Variants in PCSK5 observed in about 807,000 individuals in gnomAD.
The protein encoded by PCSK5 is prohormone convertase 5.
PCSK5 carries 129 observed loss-of-function variants against 233.2 expected under a neutral mutation model. The ratio of observed to expected loss-of-function variants is 0.55; its 90% CI spans 0.48 to 0.64. The LOEUF is 0.64. PCSK5 is among the 30% of genes least tolerant of loss of function. The pLI, the probability that PCSK5 is intolerant of heterozygous loss-of-function variation, is 0.00. For missense variants in PCSK5, 2,076 were observed against 2,430.1 expected (o/e 0.85, Z 3.06); for synonymous variants, 825 against 879.2 (o/e 0.94, Z 1.09).
intron 20 of PCSK5, chr9:76,209,432 T>C: frequency 2.1e-6 from 1 of 484,748 alleles, no homozygotes; most frequent in Non-Finnish European, 4.1e-6. Flanking sequence ...TGTGTTATGA[T>C]GTAAACTTCA....
intron 20 of PCSK5, among the ~76,000 whole-genome samples, chr9:76,197,189 T>G (rs1290162807): frequency 1.3e-5 from 2 of 152,184 alleles, no homozygotes; most frequent in Non-Finnish European, 2.9e-5. Flanking sequence ...CAAAGAACAG[T>G]GATTCAAAAT....
intron 2 of PCSK5, among the ~76,000 whole-genome samples, chr9:75,933,939 A>G (rs369842478): frequency 6.6e-6 from 1 of 152,332 alleles, no homozygotes; most frequent in East Asian, 1.9e-4. Flanking sequence ...TTGAAAAACC[A>G]AGTACTAGTG....
At chr9:76,192,383 G>A (rs1824434789) in intron 20 of PCSK5, among the ~76,000 whole-genome samples, 1 of 152,134 alleles carries the variant, frequency 6.6e-6, no homozygotes, top group Non-Finnish European at 1.5e-5. Flanking sequence ...ACTTAAGGAT[G>A]TGTTATTTAT....
At chr9:76,351,438 T>C (rs1471924682) in intron 36 of PCSK5, among the ~76,000 whole-genome samples, 2 of 29,498 alleles carry the variant, frequency 6.8e-5, no homozygotes, top group African/African-American at 1.0e-4. Context: ...CCCTGCAATG[T>C]GAAAGAAAGG....
At chr9:76,044,001 T>C (rs1445638351) in intron 5 of PCSK5, among the ~76,000 whole-genome samples, 7 of 152,056 alleles carry the variant, frequency 4.6e-5, no homozygotes, top group Non-Finnish European at 1.0e-4. Context: ...TTAGGGACAG[T>C]TTTTTTTAAA....
At chr9:75,958,630 T>C (rs1351197606) in intron 2 of PCSK5, among the ~76,000 whole-genome samples, 2 of 152,190 alleles carry the variant, frequency 1.3e-5, no homozygotes, top group African/African-American at 2.4e-5. Flanking sequence ...CAAAGATTTT[T>C]CTTTTCCCTT....
intron 32 of PCSK5, among the ~76,000 whole-genome samples, chr9:76,327,207 G>C (rs1829389223): frequency 6.6e-6 from 1 of 151,482 alleles, no homozygotes; most frequent in Admixed American, 6.6e-5. Flanking sequence ...CCTGGGCTCA[G>C]GAGATCCTTC....
At chr9:76,332,399 G>A (rs751232209) in intron 33 of PCSK5, 34 bp from the exon 34 acceptor site, 13 of 1,568,990 alleles carry the variant, frequency 8.3e-6, no homozygotes, top group Admixed American at 5.1e-5. Flanking sequence ...TGTCATGCTC[G>A]ATGTCCAAAT....
In PCSK5 at chr9:76,302,191, G is replaced by C. The variant is rs11144823; in HGVS notation, c.3578G>C (p.Arg1193Pro). 1,572 of 1,356,018 alleles carry C rather than the reference G, an allele frequency of 1.2e-3. 20 individuals are homozygous for C. The African/African-American group carries it at 0.02, about 17-fold the overall frequency. The allele number at this position is 1,356,018 out of a possible 1,614,324, so 84.0% of individuals were successfully genotyped here. A position where few individuals can be genotyped will look rare whatever the true frequency, so the allele number is the denominator to read the frequency against. ...SVVKSLLQER[R>P]RWKVQIKRDI... is the part of the protein sequence containing the mutation. ...GTGAAGAGCCTGCTGCAGGAGCGAC[G>C]AAGGTGGAAAGTTCAAATCAAAAGA... is the stretch of plus-strand genomic sequence containing the variant. Residue 1193 changes from arginine (R) to proline (P), a missense_variant, in exon 28 of 38, where the codon CGA becomes CCA. Arg to Pro is a moderately radical substitution (Grantham distance 103, BLOSUM62 -2). Around this residue, in one of 6 missense-constraint regions of PCSK5, gnomAD observed 1,510 missense variants for 1,538.1 expected, o/e 0.98. Transcript: ENST00000674117.
chr9:76,062,249 T>TA (rs11459491), intron 5 of PCSK5, among the ~76,000 whole-genome samples: 4,893 of 148,222 alleles, frequency 0.033, 199 homozygotes, highest in African/African-American at 0.094. Flanking sequence ...GCCCGTCTCC[T>TA]AAAAAAAAAA....
chr9:76,186,048 C>G (rs570512331), intron 17 of PCSK5, among the ~76,000 whole-genome samples: 1 of 151,938 alleles, frequency 6.6e-6, no homozygotes, highest in Non-Finnish European at 1.5e-5. Flanking sequence ...ATGCCAGTAA[C>G]CACATTAAGA....
intron 24 of PCSK5, among the ~76,000 whole-genome samples, chr9:76,243,124 C>A (rs1234299331): frequency 1.3e-5 from 2 of 152,194 alleles, no homozygotes; most frequent in Admixed American, 6.5e-5. Flanking sequence ...CAGACACTGA[C>A]CCTCTGGGGA....
At chr9:76,127,519 T>C (rs1822559782) in intron 9 of PCSK5, among the ~76,000 whole-genome samples, 1 of 152,238 alleles carries the variant, frequency 6.6e-6, no homozygotes, top group Non-Finnish European at 1.5e-5. Context: ...AAACCAGATC[T>C]TTTTGACAAA....
intron 23 of PCSK5, 94 bp from the exon 24 acceptor site, chr9:76,240,522 T>C: frequency 1.1e-6 from 1 of 885,178 alleles, no homozygotes; most frequent in African/African-American, 1.7e-5. Context: ...TGATTTACTT[T>C]AAAATAAGCT....
chr9:76,180,104 T>C (rs184186833), intron 15 of PCSK5, among the ~76,000 whole-genome samples: 5,999 of 144,890 alleles, frequency 0.041, 214 homozygotes, highest in African/African-American at 0.09. Context: ...TATATATATA[T>C]ACACACACAC....
chr9:76,133,758 A>G (rs1255896717), intron 9 of PCSK5, among the ~76,000 whole-genome samples: 1 of 152,044 alleles, frequency 6.6e-6, no homozygotes, highest in African/African-American at 2.4e-5. Flanking sequence ...TCGTAATCTG[A>G]TGATGATGAT....
Position 76,359,121 on chromosome 9 carries a change from C to T in PCSK5, c.*199C>T. Reference sequence around the variant, plus strand: ...AGTGGCTAAACTCAATTAACAGTTCCTGTTCAACCGTAATTGAAGAGCAAG... The same window carrying T: ...AGTGGCTAAACTCAATTAACAGTTCTTGTTCAACCGTAATTGAAGAGCAAG... On this transcript the variant is annotated 3_prime_UTR_variant, in exon 38 of 38. Transcript: ENST00000674117. 1.8e-6 allele frequency: 1 copy of T among 564,456 alleles called. No homozygotes were observed. The highest frequency in any genetic ancestry group is 3.2e-6 in the Non-Finnish European group (1 of 317,362). The allele number at this position is 564,456 out of a possible 1,614,324, so 35.0% of individuals were successfully genotyped here. A position where few individuals can be genotyped will look rare whatever the true frequency, so the allele number is the denominator to read the frequency against.
chr9:76,097,846 T>G (rs919761584), intron 8 of PCSK5, among the ~76,000 whole-genome samples: 1 of 152,248 alleles, frequency 6.6e-6, no homozygotes, highest in Non-Finnish European at 1.5e-5. Flanking sequence ...TCAGACACCT[T>G]TGCACTTTGC....
intron 20 of PCSK5, among the ~76,000 whole-genome samples, chr9:76,204,470 TTCTC>T (rs752223682): frequency 1.3e-5 from 2 of 151,866 alleles, no homozygotes; most frequent in Admixed American, 6.6e-5. Context: ...TTCTCCTCTC[TTCTC>T]TCTCTCTTTC....
Sources: allele counts gnomAD v4.1 joint callset (sites outside exome capture counted in the v4.1 genomes callset), GRCh38; gene constraint gnomAD v4.1.1; regional missense constraint gnomAD v4.1.1; transcripts MANE v1.5; gene names NCBI Gene and HGNC (gene_info 2026-07-23, HGNC 2026-07-21).